PRKN: variants seen among roughly 807,000 people sequenced by gnomAD.
PRKN encodes the protein parkin RBR E3 ubiquitin protein ligase, also known as E3 ubiquitin-protein ligase parkin.
PRKN carries 56 observed loss-of-function variants against 59.5 expected under a neutral mutation model. The ratio of observed to expected loss-of-function variants is 0.94; its 90% confidence interval spans 0.76 to 1.18. The LOEUF is 1.18. PRKN is among the 50% of genes most tolerant of loss of function. The pLI is 0.00. For synonymous variants in PRKN, 250 were observed against 222.1 expected, an observed-to-expected ratio of 1.13 and a Z score of -1.12; for missense variants, 657 against 596.4, an observed-to-expected ratio of 1.10 and a Z score of -1.06.
At chr6:162,560,579 A>G (rs1779792825) in intron 1 of PRKN, among the ~76,000 whole-genome samples, 1 of 152,206 alleles carries the variant, frequency 6.6e-6, no homozygotes, top group Non-Finnish European at 1.5e-5. Flanking sequence ...AATACATCCC[A>G]TATAGTAAAA....
At chr6:162,632,075 A>G (rs1246404151) in intron 1 of PRKN, among the ~76,000 whole-genome samples, 1 of 152,174 alleles carries the variant, frequency 6.6e-6, no homozygotes, top group Non-Finnish European at 1.5e-5. Flanking sequence ...AAATTAGTCC[A>G]GCCACTGTGG....
rs746285194 is a variant in PRKN, at chr6:161,533,977, G to A, written c.1083+14877C>T. Reference sequence around the variant, plus strand: ...TCACAGTGGTCTCTGTGACTTCAGTGAACCCCCTTTCCACCTGTCCTCCTC... The same window carrying A: ...TCACAGTGGTCTCTGTGACTTCAGTAAACCCCCTTTCCACCTGTCCTCCTC... On this transcript the variant is annotated intron_variant, in intron 9 of 11. Transcript: ENST00000366898. The surrounding 1 kb of genome is among the most constrained non-coding windows in gnomAD (Gnocchi z 4.1). Among the ~76,000 whole-genome samples the A allele has an allele frequency of 4.0e-4, 61 of 152,142 alleles. No homozygotes were observed. The highest frequency in any genetic ancestry group is 6.9e-4 in the Non-Finnish European group (47 of 67,996).
chr6:162,208,817 A>C (rs1286565638), intron 3 of PRKN, among the ~76,000 whole-genome samples: 2 of 152,200 alleles, frequency 1.3e-5, no homozygotes, highest in Non-Finnish European at 2.9e-5. Context: ...CAGTTTCCTC[A>C]CAATGACATC....
chr6:162,292,587 T>C (rs1268590380), intron 2 of PRKN, among the ~76,000 whole-genome samples: 4 of 152,000 alleles, frequency 2.6e-5, no homozygotes, highest in Non-Finnish European at 4.4e-5. Flanking sequence ...CATGGAAGCT[T>C]CGAAGTGGGA....
At chr6:161,672,648 T>A (rs1448942688) in intron 7 of PRKN, among the ~76,000 whole-genome samples, 1 of 152,106 alleles carries the variant, frequency 6.6e-6, no homozygotes, top group East Asian at 1.9e-4. Flanking sequence ...TGGTGGCAGA[T>A]GTCTGTAATC....
intron 5 of PRKN, among the ~76,000 whole-genome samples, chr6:162,047,247 T>TTACC (rs1431893707): frequency 6.6e-6 from 1 of 152,320 alleles, no homozygotes; most frequent in South Asian, 2.1e-4. Context: ...CATTTGTCCT[T>TTACC]TACCTCTGTT....
At chr6:162,524,761 C>T (rs1469482205) in intron 1 of PRKN, among the ~76,000 whole-genome samples, 1 of 152,100 alleles carries the variant, frequency 6.6e-6, no homozygotes, top group African/African-American at 2.4e-5. Context: ...TTTGATACTA[C>T]ATCAAAAACT....
At chr6:162,439,234 A>T (rs1302189792) in intron 2 of PRKN, among the ~76,000 whole-genome samples, 1 of 152,058 alleles carries the variant, frequency 6.6e-6, no homozygotes, top group East Asian at 1.9e-4. Context: ...GTTGCTAGGC[A>T]GCCCCTTTCT....
At chr6:162,162,429 G>C (rs1782797531) in intron 4 of PRKN, among the ~76,000 whole-genome samples, 1 of 152,132 alleles carries the variant, frequency 6.6e-6, no homozygotes, top group African/African-American at 2.4e-5. Flanking sequence ...CCACCCGACA[G>C]ACACTGAGGC....
At chr6:162,611,982 G>C (rs373687114) in intron 1 of PRKN, among the ~76,000 whole-genome samples, 4 of 151,358 alleles carry the variant, frequency 2.6e-5, no homozygotes, top group Non-Finnish European at 5.9e-5. Context: ...TCAGGAGATC[G>C]AGACCATCCT....
At chr6:162,134,809 G>T (rs1367928087) in intron 4 of PRKN, among the ~76,000 whole-genome samples, 2 of 152,118 alleles carry the variant, frequency 1.3e-5, no homozygotes, top group Admixed American at 1.3e-4. Flanking sequence ...CATTCTTCTG[G>T]TAAGTAATTA....
rs1481741123 is a variant in PRKN at position 161,550,086 on chromosome 6, A to G, written c.934-1083T>C. On this transcript the variant is annotated intron_variant, in intron 8 of 11. Transcript: ENST00000366898. The surrounding 1 kb of genome is among the most constrained non-coding windows in gnomAD (Gnocchi z 4.0). ...GAAGGAGATTAGAAATGCAAGTCACATGGATCCCTGGGGGAATAAGCATTC... is the reference window on the plus strand; with the variant it reads ...GAAGGAGATTAGAAATGCAAGTCACGTGGATCCCTGGGGGAATAAGCATTC... Among the ~76,000 whole-genome samples, 2 of 152,206 alleles carry G rather than the reference A, an allele frequency of 1.3e-5. No individual in the cohort carries two copies. Among genetic ancestry groups the G allele is most frequent in the Non-Finnish European group, 2.9e-5 (2 of 68,048 alleles).
intron 1 of PRKN, among the ~76,000 whole-genome samples, chr6:162,682,226 A>C (rs1387544815): frequency 6.6e-6 from 1 of 152,090 alleles, no homozygotes. Context: ...ATGCAACCAC[A>C]GAGAACTGGT....
intron 1 of PRKN, among the ~76,000 whole-genome samples, chr6:162,472,265 T>A (rs1433555941): frequency 1.3e-5 from 2 of 151,752 alleles, no homozygotes; most frequent in Non-Finnish European, 2.9e-5. Context: ...GCAGGTTTGT[T>A]ACATATGTAT....
chr6:161,942,338 C>CTGGCCAACA (rs1779595935), intron 6 of PRKN, among the ~76,000 whole-genome samples: 1 of 152,088 alleles, frequency 6.6e-6, no homozygotes, highest in Non-Finnish European at 1.5e-5. Context: ...TGAGATCAGC[C>CTGGCCAACA]TGGCCAACAT....
chr6:162,469,124 A>G (rs1791581587), intron 1 of PRKN, among the ~76,000 whole-genome samples: 2 of 152,140 alleles, frequency 1.3e-5, no homozygotes, highest in Admixed American at 1.3e-4. Context: ...TATAGTGATC[A>G]CAGAAACTAG....
rs139819347 is a variant in PRKN at position 162,304,425 on chromosome 6, T to G, written c.172-41660A>C. ...CTATTAGAAAAAGTTGTTTCACACA[T>G]AAACATACTTCTTGGAACCAAAAAC... On this transcript the variant is annotated intron_variant, in intron 2 of 11. Transcript: ENST00000366898. Among the ~76,000 whole-genome samples, 15 of 151,074 alleles carry G rather than the reference T, an allele frequency of 9.9e-5. No individual in the cohort carries two copies. In the East Asian group the frequency reaches 2.9e-3, roughly 29 times the overall value.
intron 3 of PRKN, among the ~76,000 whole-genome samples, chr6:162,228,751 T>G (rs1778294972): frequency 6.6e-6 from 1 of 152,170 alleles, no homozygotes; most frequent in African/African-American, 2.4e-5. Flanking sequence ...AGTCCAATAT[T>G]GCACTTTACA....
intron 2 of PRKN, among the ~76,000 whole-genome samples, chr6:162,360,777 C>T (rs768970864): frequency 6.6e-6 from 1 of 152,128 alleles, no homozygotes; most frequent in African/African-American, 2.4e-5. Flanking sequence ...CACCACGGGC[C>T]AGTGCTTACT....
Sources: allele counts gnomAD v4.1 joint callset (sites outside exome capture counted in the v4.1 genomes callset), GRCh38; gene constraint gnomAD v4.1.1; non-coding constraint Gnocchi (gnomAD v3.1); transcripts MANE v1.5; gene names NCBI Gene and HGNC (gene_info 2026-07-23, HGNC 2026-07-21).